SGCZ: variants seen among roughly 807,000 people sequenced by gnomAD.
SGCZ encodes zeta-sarcoglycan.
SGCZ carries 40 observed loss-of-function variants against 41.3 expected under a neutral mutation model. The observed-to-expected ratio is 0.97, with a 90% confidence interval of 0.75 to 1.26. The LOEUF (loss-of-function observed/expected upper bound fraction) is 1.26, where lower values mean the gene tolerates loss of function less well. Ranked by LOEUF, SGCZ falls within the 50% of genes most tolerant of loss-of-function variation. The pLI is 0.00. For synonymous variants in SGCZ, 206 were observed against 137.5 expected (o/e 1.50, Z -3.49); for missense variants, 552 against 369.8 (o/e 1.49, Z -4.04).
intron 1 of SGCZ, among the ~76,000 whole-genome samples, chr8:15,012,504 A>C (rs2130928222): frequency 7.2e-6 from 1 of 138,726 alleles, no homozygotes; most frequent in African/African-American, 2.6e-5. Context: ...ATAAATGTAT[A>C]AATATATATT....
intron 1 of SGCZ, among the ~76,000 whole-genome samples, chr8:14,976,028 T>TACATATATATATATATACACATATATATA (rs1563404700): frequency 1.4e-5 from 2 of 144,138 alleles, no homozygotes; most frequent in African/African-American, 5.1e-5. Context: ...ACATATATAT[T>TACATATATATATATATACACATATATATA]TTTTTTTTTT....
chr8:14,279,449 C>T (rs1383649475), intron 3 of SGCZ, among the ~76,000 whole-genome samples: 1 of 151,764 alleles, frequency 6.6e-6, no homozygotes, highest in Non-Finnish European at 1.5e-5. Context: ...CCCTAGATTA[C>T]ACATTTTTTT....
intron 5 of SGCZ, among the ~76,000 whole-genome samples, chr8:14,132,731 T>C (rs1803079626): frequency 6.6e-6 from 1 of 152,148 alleles, no homozygotes. Context: ...TCATTTCTGT[T>C]TCTTTGTATG....
intron 1 of SGCZ, among the ~76,000 whole-genome samples, chr8:15,170,316 G>C (rs1799789438): frequency 6.6e-6 from 1 of 152,050 alleles, no homozygotes; most frequent in African/African-American, 2.4e-5. Flanking sequence ...TATTCAGTTG[G>C]TCACTTACAC....
chr8:14,996,396 T>C (rs1397352023), intron 1 of SGCZ, among the ~76,000 whole-genome samples: 1 of 152,194 alleles, frequency 6.6e-6, no homozygotes, highest in East Asian at 1.9e-4. Context: ...GATGATATTT[T>C]ATTTTGTTTT....
chr8:14,122,069 G>T (rs867074338), intron 5 of SGCZ, among the ~76,000 whole-genome samples: 8 of 152,148 alleles, frequency 5.3e-5, no homozygotes, highest in Admixed American at 5.2e-4. Flanking sequence ...CCAAGGTCAG[G>T]AGATCGAGAC....
At chr8:14,513,535 T>A (rs1563378105) in intron 2 of SGCZ, among the ~76,000 whole-genome samples, 1 of 150,872 alleles carries the variant, frequency 6.6e-6, no homozygotes, top group East Asian at 1.9e-4. Context: ...TAATATACAT[T>A]AAAACAACTC....
chr8:14,198,529 A>G (rs1294839317), intron 4 of SGCZ, among the ~76,000 whole-genome samples: 2 of 152,180 alleles, frequency 1.3e-5, no homozygotes, highest in Non-Finnish European at 1.5e-5. Context: ...GTTGTAGTAC[A>G]AACCCCAGTA....
At chr8:14,240,342 A>AT (rs1485830309) in intron 3 of SGCZ, among the ~76,000 whole-genome samples, 11 of 150,900 alleles carry the variant, frequency 7.3e-5, no homozygotes, top group African/African-American at 2.7e-4. Context: ...AAAAAAAAAA[A>AT]AAAAAAAAAA....
chr8:14,423,967 C>T (rs967843995), intron 2 of SGCZ, among the ~76,000 whole-genome samples: 3 of 151,942 alleles, frequency 2.0e-5, no homozygotes, highest in Admixed American at 1.3e-4. Flanking sequence ...AACAGAAGAA[C>T]TAAAGTGTTA....
At chr8:15,081,906 G>T (rs934955796) in intron 1 of SGCZ, among the ~76,000 whole-genome samples, 2 of 152,150 alleles carry the variant, frequency 1.3e-5, no homozygotes, top group African/African-American at 4.8e-5. Context: ...GAGGAAAAAA[G>T]TAAATACTAA....
chr8:14,693,677 G>A (rs559030278), intron 1 of SGCZ, among the ~76,000 whole-genome samples: 2 of 130,866 alleles, frequency 1.5e-5, no homozygotes, highest in South Asian at 2.7e-4. Context: ...TGCAAGCTCC[G>A]CCTCCCGGGT....
At position 14,211,448 on chromosome 8, in the gene SGCZ, C is replaced by G. The variant is rs563363926; in HGVS notation, c.424+26144G>C. Among the ~76,000 whole-genome samples the G allele has an allele frequency of 2.6e-5, 4 of 152,286 alleles. 1 individual carries two copies. The South Asian group carries it at 6.2e-4, about 24-fold the overall frequency. On this transcript the variant is annotated intron_variant, in intron 4 of 7. Transcript: ENST00000382080. ...GGCGAGACATCTTATGAACAGATTT[C>G]TCTAGTATCTACCTAAAGGTTATCA...
intron 3 of SGCZ, among the ~76,000 whole-genome samples, chr8:14,273,016 A>G (rs890367614): frequency 3.3e-5 from 5 of 152,076 alleles, no homozygotes; most frequent in Non-Finnish European, 5.9e-5. Flanking sequence ...AAAACAAATT[A>G]AGTGAAATTT....
chr8:14,931,221 C>A (rs1414553638), intron 1 of SGCZ, among the ~76,000 whole-genome samples: 3 of 151,836 alleles, frequency 2.0e-5, no homozygotes, highest in African/African-American at 7.3e-5. Context: ...ACCATTTAAT[C>A]AGAACTAAGG....
intron 7 of SGCZ, among the ~76,000 whole-genome samples, chr8:14,091,321 G>T (rs1428944119): frequency 2.6e-5 from 4 of 151,842 alleles, no homozygotes; most frequent in African/African-American, 4.8e-5. Flanking sequence ...CTTTATAGTA[G>T]AATGATTTAT....
At chr8:14,465,250 A>G (rs1801016885) in intron 2 of SGCZ, among the ~76,000 whole-genome samples, 1 of 151,668 alleles carries the variant, frequency 6.6e-6, no homozygotes, top group Non-Finnish European at 1.5e-5. Context: ...ATGTTCTGCT[A>G]TTAGGTACAT....
intron 1 of SGCZ, among the ~76,000 whole-genome samples, chr8:14,726,078 G>GTTAGTAGT (rs1810039749): frequency 6.6e-6 from 1 of 151,658 alleles, no homozygotes; most frequent in Non-Finnish European, 1.5e-5. Context: ...CTAACACTGT[G>GTTAGTAGT]AAACCCTGTC....
intron 5 of SGCZ, among the ~76,000 whole-genome samples, chr8:14,162,019 GA>G (rs1292685611): frequency 1.3e-5 from 2 of 152,140 alleles, no homozygotes; most frequent in African/African-American, 2.4e-5. Context: ...TTAAAAAGCA[GA>G]AAAACTTAGA....
Sources: allele counts gnomAD v4.1 joint callset (sites outside exome capture counted in the v4.1 genomes callset), GRCh38; gene constraint gnomAD v4.1.1; transcripts MANE v1.5; gene names NCBI Gene and HGNC (gene_info 2026-07-23, HGNC 2026-07-21).